The following LIPA variants were observed in gnomAD, a reference collection of about 807,000 sequenced individuals.
LIPA encodes lipase A, lysosomal acid type.
Under a neutral mutation model 40.6 loss-of-function variants are expected in LIPA, and 26 were observed. The observed-to-expected ratio is 0.64, with a 90% confidence interval of 0.47 to 0.89. The LOEUF is 0.89. Among genes scored for constraint, LIPA ranks in the 40% least tolerant of loss-of-function variants. LIPA has a pLI of 0.00. For synonymous variants in LIPA, 188 were observed against 168.4 expected, an observed-to-expected ratio of 1.12 and a Z score of -0.90; for missense variants, 455 against 479.6, an observed-to-expected ratio of 0.95 and a Z score of 0.48.
intron 1 of LIPA, among the ~76,000 whole-genome samples, chr10:89,288,405 CTAGCTCTCCCTAACTCAT>C (rs1843353005): frequency 6.6e-6 from 1 of 152,174 alleles, no homozygotes; most frequent in African/African-American, 2.4e-5. Flanking sequence ...TGCCCCCATG[CTAGCTCTCCCTAACTCAT>C]CCCAACCCTT....
intron 2 of LIPA, among the ~76,000 whole-genome samples, chr10:89,373,384 A>G (rs1844104110): frequency 1.3e-5 from 2 of 151,932 alleles, no homozygotes; most frequent in Admixed American, 1.3e-4. Context: ...GTCAGCCAGA[A>G]AAGTAAATCA....
At chr10:89,310,713 G>A (rs1024028434) in intron 1 of LIPA, among the ~76,000 whole-genome samples, 175 of 152,204 alleles carry the variant, frequency 1.1e-3, no homozygotes, top group African/African-American at 4.0e-3. Flanking sequence ...TTTACATACA[G>A]GACTTAAGAC....
intron 2 of LIPA, among the ~76,000 whole-genome samples, chr10:89,385,813 C>T (rs1167389956): frequency 6.6e-6 from 1 of 152,208 alleles, no homozygotes; most frequent in Non-Finnish European, 1.5e-5. Flanking sequence ...CATTTATTCA[C>T]ACCTGAGATC....
At chr10:89,242,218 T>C (rs1842972661) in intron 3 of LIPA, among the ~76,000 whole-genome samples, 1 of 152,240 alleles carries the variant, frequency 6.6e-6, no homozygotes, top group African/African-American at 2.4e-5. Flanking sequence ...GAGCAAAGCA[T>C]TGCTCAACAC....
At chr10:89,240,756 A>C (rs1842955481) in intron 3 of LIPA, among the ~76,000 whole-genome samples, 1 of 152,128 alleles carries the variant, frequency 6.6e-6, no homozygotes, top group South Asian at 2.1e-4. Context: ...CACAGGAAGC[A>C]TTTAAGTTGT....
chr10:89,228,107 G>T, intron 4 of LIPA, 93 bp downstream of exon 4: 1 of 1,078,518 alleles, frequency 9.3e-7, no homozygotes, highest in Non-Finnish European at 1.4e-6. Flanking sequence ...CAACTTCAGA[G>T]TTACCACCTA....
rs756847003 is a variant in LIPA, at chr10:89,332,618, C to T, written c.-2+9993G>A. ...GCTTTTCAGAACTGCAGGGAAACAG[C>T]CATCATGAGGTAAATAGTCCCTGCT... On this transcript the variant is annotated intron_variant, in intron 1 of 5. Coordinates refer to the LIPA transcript ENST00000282673. The T allele has an allele frequency of 3.7e-6, 6 of 1,613,984 alleles. No homozygotes were observed. The Admixed American group carries it at 8.3e-5, about 22-fold the overall frequency.
chr10:89,255,737 G>A (rs558894454), upstream of LIPA, among the ~76,000 whole-genome samples: 1 of 152,320 alleles, frequency 6.6e-6, no homozygotes, highest in South Asian at 2.1e-4. Flanking sequence ...CTACCAGGAA[G>A]AACAACTTGA....
At chr10:89,223,569 G>A in intron 7 of LIPA, 115 bp downstream of exon 7, 1 of 911,804 alleles carries the variant, frequency 1.1e-6, no homozygotes, top group East Asian at 2.4e-5. Flanking sequence ...CCTCTCAAAT[G>A]AAAGACTCTT....
chr10:89,369,676 A>C (rs763172356), intron 2 of LIPA, among the ~76,000 whole-genome samples: 21 of 152,354 alleles, frequency 1.4e-4, no homozygotes, highest in Middle Eastern at 3.4e-3. Context: ...AGTGTTTCCT[A>C]TATAGAGGTA....
intron 2 of LIPA, among the ~76,000 whole-genome samples, chr10:89,363,770 C>A: frequency 1.5e-5 from 1 of 67,604 alleles, no homozygotes; most frequent in Non-Finnish European, 2.5e-5. Context: ...GAGCCAGACT[C>A]CATCAAAAAA....
rs369603409 is a variant in LIPA at position 89,331,152 on chromosome 10, CTTG to C, written c.-2+11456_-2+11458del. 2.1e-4 allele frequency among the ~76,000 whole-genome samples: 32 copies of C among 152,216 alleles called. 1 individual carries two copies. The East Asian group carries it at 5.0e-3, about 24-fold the overall frequency. ...GGTGTTCAACAGAATGACAACTTCT[CTTG>C]TTGTTGTTGTTTTTGTTGTTGCTGT... On this transcript the variant is annotated intron_variant, in intron 1 of 5. Transcript: ENST00000282673.
At chr10:89,315,445 G>A (rs987026118) in intron 1 of LIPA, among the ~76,000 whole-genome samples, 2 of 152,158 alleles carry the variant, frequency 1.3e-5, no homozygotes, top group African/African-American at 4.8e-5. Context: ...CTACACAAGA[G>A]TCTCTGCTTT....
intron 1 of LIPA, among the ~76,000 whole-genome samples, chr10:89,265,509 A>C (rs1437543662): frequency 6.6e-6 from 1 of 152,244 alleles, no homozygotes; most frequent in Non-Finnish European, 1.5e-5. Context: ...AGTAGCTTTC[A>C]GCTACATAAA....
rs1160249991 is a variant in LIPA, at chr10:89,245,678, T to C, written c.227A>G (p.Lys76Arg). Residue 76 changes from lysine to arginine, a missense_variant and splice_region_variant, in exon 3 of 10, where the codon AAA becomes AGA. By Grantham distance (26) the Lys-to-Arg change is conservative (BLOSUM62 2). Transcript: ENST00000336233. ...IPHGRKNHSD[K>R]GPKPVVFLQH... ...TACTTTTAAGAGCCTTCCCATACCT[T>C]TGTCAGAATGGTTCTTCCTCCCATG... 2.6e-6 allele frequency: 4 copies of C among 1,524,478 alleles called. No individual in the cohort carries two copies. Among genetic ancestry groups the C allele is most frequent in the Non-Finnish European group, 3.6e-6 (4 of 1,098,834 alleles). The allele number at this position is 1,524,478 out of a possible 1,614,324, so 94.4% of individuals were successfully genotyped here.
At chr10:89,277,524 A>G (rs772457562) in intron 1 of LIPA, among the ~76,000 whole-genome samples, 7 of 152,186 alleles carry the variant, frequency 4.6e-5, no homozygotes, top group Non-Finnish European at 8.8e-5. Context: ...TTGAAATTCA[A>G]TATATATTGA....
At chr10:89,280,666 T>C (rs1843310103) in intron 1 of LIPA, among the ~76,000 whole-genome samples, 1 of 152,228 alleles carries the variant, frequency 6.6e-6, no homozygotes, top group Non-Finnish European at 1.5e-5. Context: ...TAGCCCATAT[T>C]TATGTGTCGG....
Position 89,364,291 on chromosome 10 carries a change from T to C in LIPA, c.61+48500A>G, listed in dbSNP as rs534837218. Among the ~76,000 whole-genome samples the C allele has an allele frequency of 1.6e-4, 24 of 152,354 alleles. No individual in the cohort carries two copies. In the South Asian group the frequency reaches 5.0e-3, roughly 32 times the overall value. ...GCACCTGCCAGACCAATCAGACTTC[T>C]GAGAATTTGCAATTGGAATTGACAA... On this transcript the variant is annotated intron_variant, in intron 2 of 8. Transcript: ENST00000371837.
At position 89,318,187 on chromosome 10, in the gene LIPA, T is replaced by A. The variant is rs578107559; in HGVS notation, c.-2+24424A>T. On this transcript the variant is annotated intron_variant, in intron 1 of 5. Transcript: ENST00000282673. ...CGAGCAAAATAACCAGCTAACATGA[T>A]AAGGACAGGATCATATTCACACATA... Among the ~76,000 whole-genome samples, 3 of 152,198 alleles carry A rather than the reference T, an allele frequency of 2.0e-5. No individual in the cohort carries two copies. In the East Asian group the frequency reaches 5.8e-4, roughly 29 times the overall value.
Sources: allele counts gnomAD v4.1 joint callset (sites outside exome capture counted in the v4.1 genomes callset), GRCh38; gene constraint gnomAD v4.1.1; transcripts MANE v1.5; gene names NCBI Gene and HGNC (gene_info 2026-07-23, HGNC 2026-07-21).